Variants in OR1D2 observed in about 807,000 individuals in gnomAD.
The protein encoded by OR1D2 is olfactory receptor family 1 subfamily D member 2.
For synonymous variants in OR1D2, 157 were observed against 153.9 expected, an observed-to-expected ratio of 1.02 and a Z score of -0.15; for missense variants, 357 against 376.1, an observed-to-expected ratio of 0.95 and a Z score of 0.42.
intron 1 of OR1D2, among the ~76,000 whole-genome samples, chr17:3,095,270 G>T (rs1487781759): frequency 6.6e-6 from 1 of 151,940 alleles, no homozygotes; most frequent in Non-Finnish European, 1.5e-5. Flanking sequence ...AAGTAAAAAA[G>T]ATTTTTTACT....
rs1223312854 is a variant in OR1D2, at chr17:3,092,737, G to T, written c.260C>A (p.Ser87Tyr). 2.5e-6 allele frequency: 4 copies of T among 1,613,986 alleles called. No homozygotes were observed. Among genetic ancestry groups the T allele is most frequent in the East Asian group, 2.2e-5 (1 of 44,892 alleles). ...TGCATAGGAGATGGCTTTGTTATGG[G>T]ACTGGAGGTTCACCAGCATCTTGGG... ...TIPKMLVNLQ[S>Y]HNKAISYAGC... The change falls in exon 2 of 2, where the codon TCC becomes TAC. Residue 87 changes from serine (S) to tyrosine (Y), a missense_variant. Transcript: ENST00000641833.
chr17:3,093,053 T>C lies in OR1D2; in HGVS notation c.-50-7A>G. 1 of 1,488,994 alleles carries C rather than the reference T, an allele frequency of 6.7e-7. No homozygotes were observed. Among genetic ancestry groups the C allele is most frequent in the Non-Finnish European group, 9.2e-7 (1 of 1,084,028 alleles). The allele number at this position is 1,488,994 out of a possible 1,614,324, so 92.2% of individuals were successfully genotyped here. A position where few individuals can be genotyped will look rare whatever the true frequency, so the allele number is the denominator to read the frequency against. On this transcript the variant is annotated splice_polypyrimidine_tract_variant and splice_region_variant and intron_variant, in intron 1 of 1. Coordinates refer to ENST00000641833, the MANE Select transcript of OR1D2 (RefSeq NM_002548.3). ...CAAATGTTTACCAAAAGTCCTTAAT[T>C]GAATAAAAACATGAAGATAAGCAAA...
chr17:3,101,230 T>C (rs1334764560), intron 1 of OR1D2, among the ~76,000 whole-genome samples: 1 of 152,148 alleles, frequency 6.6e-6, no homozygotes, highest in Non-Finnish European at 1.5e-5. Context: ...AAAAGAAGTC[T>C]TCAGGCCAAT....
At chr17:3,095,038 C>G (rs2047837026) in intron 1 of OR1D2, among the ~76,000 whole-genome samples, 1 of 151,748 alleles carries the variant, frequency 6.6e-6, no homozygotes, top group Non-Finnish European at 1.5e-5. Flanking sequence ...ATTAAGCATA[C>G]CAGCACACAT....
At chr17:3,098,037 C>T (rs910707553) in intron 1 of OR1D2, among the ~76,000 whole-genome samples, 9 of 152,274 alleles carry the variant, frequency 5.9e-5, no homozygotes, top group African/African-American at 1.4e-4. Flanking sequence ...GGCCTGAGCC[C>T]CTAGCAGGAG....
chr17:3,102,431 A>C (rs2047879037), intron 1 of OR1D2, among the ~76,000 whole-genome samples: 1 of 152,208 alleles, frequency 6.6e-6, no homozygotes, highest in Middle Eastern at 3.2e-3. Flanking sequence ...TTTTTTGAAC[A>C]AACTGCGATT....
Position 3,092,043 on chromosome 17 carries a change from C to G in OR1D2, c.*15G>C, listed in dbSNP as rs1259398241. The G allele has an allele frequency of 6.3e-7, 1 of 1,580,078 alleles. No individual in the cohort carries two copies. The highest frequency in any genetic ancestry group is 1.4e-5 in the African/African-American group (1 of 74,028). ...TTCCTAGTCTCCACTTTAATGCTGT[C>G]TTTCCAAATTGCCCTCATGTCAGCC... On this transcript the variant is annotated 3_prime_UTR_variant, in exon 2 of 2. Transcript: ENST00000641833.
chr17:3,095,405 C>T (rs2047839378), intron 1 of OR1D2, among the ~76,000 whole-genome samples: 1 of 151,992 alleles, frequency 6.6e-6, no homozygotes, highest in Admixed American at 6.6e-5. Flanking sequence ...GTCTAATATT[C>T]AGCAAAACTA....
In OR1D2 at chr17:3,092,476, A is replaced by G; in HGVS notation, c.521T>C (p.Ile174Thr). The G allele has an allele frequency of 6.2e-7, 1 of 1,614,086 alleles. No individual in the cohort carries two copies. ...ATACATCTCACAGAAGATGTAGTGG[A>G]TTTTTCGTGACCCACAGAAGGTCAC... ...TRVTFCGSRKIHYIFCEMYVL... is the reference protein window; with the variant it reads ...TRVTFCGSRKTHYIFCEMYVL... The change falls in exon 2 of 2, where the codon ATC becomes ACC. Residue 174 changes from isoleucine (I) to threonine (T), a missense_variant. By Grantham distance (89) the Ile-to-Thr change is moderately conservative. Transcript: ENST00000641833.
chr17:3,096,587 A>G (rs571732974), intron 1 of OR1D2, among the ~76,000 whole-genome samples: 2 of 152,318 alleles, frequency 1.3e-5, no homozygotes, highest in African/African-American at 4.8e-5. Context: ...ACATAGCAAG[A>G]CCCCATCTCT....
rs1392475757 is a variant in OR1D2 at position 3,101,212 on chromosome 17, A to G, written c.-51+2887T>C. Among the ~76,000 whole-genome samples the G allele has an allele frequency of 2.6e-5, 4 of 152,178 alleles. No homozygotes were observed. In the East Asian group the frequency reaches 7.7e-4, roughly 29 times the overall value. Reference sequence around the variant, plus strand: ...CCTGATGCCAAAACCTCACAGAGACATAACAAAAAAAGAAGTCTTCAGGCC... The same window carrying G: ...CCTGATGCCAAAACCTCACAGAGACGTAACAAAAAAAGAAGTCTTCAGGCC... On this transcript the variant is annotated intron_variant, in intron 1 of 1. Coordinates refer to ENST00000641833, the MANE Select transcript of OR1D2 (RefSeq NM_002548.3).
chr17:3,096,710 A>T (rs893057739), intron 1 of OR1D2, among the ~76,000 whole-genome samples: 3 of 152,262 alleles, frequency 2.0e-5, no homozygotes, highest in Non-Finnish European at 2.9e-5. Flanking sequence ...TATGCACCCA[A>T]ATACGTGAAG....
chr17:3,100,793 AAAAG>A (rs1459358436), intron 1 of OR1D2, among the ~76,000 whole-genome samples: 1 of 152,182 alleles, frequency 6.6e-6, no homozygotes, highest in Non-Finnish European at 1.5e-5. Flanking sequence ...AACGAAGAAG[AAAAG>A]AGAGAAGAAC....
At position 3,104,341 on chromosome 17, in the gene OR1D2, G is replaced by T. The variant is rs2047887863; in HGVS notation, c.-293C>A. 6.6e-6 allele frequency: 1 copy of T among 152,176 alleles called. No individual in the cohort carries two copies. Among genetic ancestry groups the T allele is most frequent in the South Asian group, 2.1e-4 (1 of 4,822 alleles). 9.4% of individuals were successfully genotyped at this position (152,176 alleles called of 1,614,324 possible). On this transcript the variant is annotated 5_prime_UTR_variant, in exon 1 of 2. Coordinates refer to ENST00000641833, the MANE Select transcript of OR1D2 (RefSeq NM_002548.3). Reference sequence around the variant, plus strand: ...ATTGATGCCCCAATGAGATTTGTGGGATATGAGAACTGAGTCTTGGATCCT... The same window carrying T: ...ATTGATGCCCCAATGAGATTTGTGGTATATGAGAACTGAGTCTTGGATCCT...
chr17:3,099,921 TA>T (rs913113513), intron 1 of OR1D2, among the ~76,000 whole-genome samples: 9 of 151,588 alleles, frequency 5.9e-5, no homozygotes, highest in African/African-American at 2.2e-4. Flanking sequence ...CCAACAAAGA[TA>T]AAAAAAGGCA....
intron 1 of OR1D2, among the ~76,000 whole-genome samples, chr17:3,103,511 ACTCT>A (rs1023304857): frequency 7.2e-5 from 11 of 151,876 alleles, no homozygotes; most frequent in African/African-American, 2.7e-4. Context: ...TGACTTTCTG[ACTCT>A]CTCTCTTGAA....
At chr17:3,101,651 T>C (rs2047875354) in intron 1 of OR1D2, among the ~76,000 whole-genome samples, 1 of 152,100 alleles carries the variant, frequency 6.6e-6, no homozygotes, top group East Asian at 1.9e-4. Flanking sequence ...CTCAACATAG[T>C]ATTGGAATTT....
chr17:3,100,944 C>CAT (rs1206232439), intron 1 of OR1D2, among the ~76,000 whole-genome samples: 1 of 152,132 alleles, frequency 6.6e-6, no homozygotes, highest in Non-Finnish European at 1.5e-5. Context: ...AACTCCTGGA[C>CAT]ATATACACCC....
At chr17:3,098,731 C>T (rs530087641) in intron 1 of OR1D2, among the ~76,000 whole-genome samples, 12 of 152,220 alleles carry the variant, frequency 7.9e-5, no homozygotes, top group African/African-American at 2.6e-4. Context: ...CAAACTCCTC[C>T]GAGCTAAAGG....
Sources: allele counts gnomAD v4.1 joint callset (sites outside exome capture counted in the v4.1 genomes callset), GRCh38; gene constraint gnomAD v4.1.1; transcripts MANE v1.5; gene names NCBI Gene and HGNC (gene_info 2026-07-23, HGNC 2026-07-21).